Variants in CA5B observed in about 807,000 individuals in gnomAD.
CA5B encodes the protein carbonic anhydrase 5B, mitochondrial.
CA5B carries 15 observed loss-of-function variants against 23.1 expected under a neutral mutation model. The observed-to-expected ratio is 0.65, with a 90% CI of 0.43 to 1.00. The LOEUF (loss-of-function observed/expected upper bound fraction) is 1.00, where lower values mean the gene tolerates loss of function less well. Among genes scored for constraint, CA5B ranks in the 50% least tolerant of loss-of-function variants. The probability of loss-of-function intolerance (pLI) is 0.00; values close to 1 mark genes in which losing one functional copy is unlikely to be tolerated. For missense variants in CA5B, 236 were observed against 252.2 expected (o/e 0.94, Z 0.43); for synonymous variants, 84 against 98.5 (o/e 0.85, Z 0.87).
chrX:15,777,275 A>G (rs1931949432), intron 7 of CA5B, among the ~76,000 whole-genome samples: 1 of 112,007 alleles, frequency 8.9e-6, no homozygotes. Flanking sequence ...GAATTCAACA[A>G]TGTTTGTCCA....
chrX:15,746,354 G>A (rs142838412), intron 1 of CA5B, among the ~76,000 whole-genome samples: 3,737 of 111,123 alleles, frequency 0.034, 150 homozygotes, highest in African/African-American at 0.11. Context: ...CAAACTTCTT[G>A]TATAGTGTAA....
rs878966805 is a variant in CA5B, at chrX:15,783,007, T to C, written c.*343T>C. ...AGTCCTCCTGCCTTAGCCTCTAGAG[T>C]AGCTGGGGCTACAGGTGCTGGCCGC... On this transcript the variant is annotated 3_prime_UTR_variant, in exon 8 of 8. Transcript: ENST00000318636. 1 of 184,045 alleles carries C rather than the reference T, an allele frequency of 5.4e-6. No homozygotes were observed. 15.2% of individuals were successfully genotyped at this position (184,045 alleles called of 1,213,427 possible).
chrX:15,742,771 G>C (rs1931149083), intron 1 of CA5B, among the ~76,000 whole-genome samples: 1 of 112,552 alleles, frequency 8.9e-6, no homozygotes, highest in South Asian at 3.6e-4. Context: ...TTTTTACTTA[G>C]AGCAGTGATT....
At chrX:15,752,593 T>G (rs183216291) in intron 2 of CA5B, among the ~76,000 whole-genome samples, 1 of 110,760 alleles carries the variant, frequency 9.0e-6, no homozygotes, top group Non-Finnish European at 1.9e-5. Flanking sequence ...GGCGTGGTGG[T>G]GGGCGCCTGC....
At chrX:15,778,367 T>C (rs144384007) in intron 7 of CA5B, among the ~76,000 whole-genome samples, 2,439 of 112,038 alleles carry the variant, frequency 0.022, 56 homozygotes, top group African/African-American at 0.074. Context: ...TTTAAATTGA[T>C]ATGCTATTTC....
chrX:15,742,521 G>T (rs955371225), intron 1 of CA5B, among the ~76,000 whole-genome samples: 1 of 112,119 alleles, frequency 8.9e-6, no homozygotes, highest in African/African-American at 3.2e-5. Context: ...TTACAGACGT[G>T]CATCACCATA....
At chrX:15,763,157 C>T (rs748002688) in intron 2 of CA5B, 3 of 177,308 alleles carry the variant, frequency 1.7e-5, no homozygotes, top group Middle Eastern at 2.1e-3. Context: ...AGGAGGTGAA[C>T]TCAACTCAGC....
chrX:15,740,669 G>A (rs1265152951), intron 1 of CA5B, among the ~76,000 whole-genome samples: 1 of 111,699 alleles, frequency 9.0e-6, no homozygotes, highest in Non-Finnish European at 1.9e-5. Flanking sequence ...CTTTCTATCT[G>A]TAGCTTCCTG....
chrX:15,768,592 GTAAT>G (rs1248582185), intron 3 of CA5B: 1 of 110,811 alleles, frequency 9.0e-6, no homozygotes, highest in Non-Finnish European at 1.9e-5. Flanking sequence ...TCAATTTTTA[GTAAT>G]TACCTAATTT....
Position 15,772,582 on chromosome X carries a change from C to G in CA5B, c.427C>G (p.His143Asp), listed in dbSNP as rs760346701. The G allele has an allele frequency of 8.3e-7, 1 of 1,200,839 alleles. No homozygotes were observed. The highest frequency in any genetic ancestry group is 3.0e-5 in the East Asian group (1 of 33,734). Reference protein sequence around the residue: ...WGAIDAWGSEHTVDSKCFPAE... With the variant: ...WGAIDAWGSEDTVDSKCFPAE... ...GGCCATCGATGCCTGGGGTTCTGAG[C>G]ACACCGTGGACAGCAAATGCTTCCC... is the stretch of plus-strand genomic sequence containing the variant. Residue 143 changes from histidine (H) to aspartate (D), a missense_variant, in exon 4 of 8, where the codon CAC becomes GAC. This residue lies in a region of CA5B where 170 missense variants were observed against 162.0 expected (regional missense o/e 1.05). Transcript: ENST00000318636.
At chrX:15,775,217 G>A in intron 5 of CA5B, 29 bp from the exon 6 acceptor site, 2 of 1,101,778 alleles carry the variant, frequency 1.8e-6, no homozygotes, top group African/African-American at 1.8e-5. Context: ...TCCATTGTTT[G>A]TAATATTTTC....
chrX:15,780,418 G>A (rs1020950570), intron 7 of CA5B, among the ~76,000 whole-genome samples: 7 of 109,740 alleles, frequency 6.4e-5, no homozygotes, highest in Non-Finnish European at 1.3e-4. Flanking sequence ...GATTACAGGC[G>A]CCCGCCACCA....
chrX:15,760,442 T>C (rs1005696580), intron 2 of CA5B, among the ~76,000 whole-genome samples: 3 of 111,221 alleles, frequency 2.7e-5, no homozygotes, highest in Non-Finnish European at 5.7e-5. Flanking sequence ...AAAGAAACCT[T>C]CTGGAAGCTG....
At chrX:15,745,546 G>A (rs1312304419) in intron 1 of CA5B, 1 of 112,562 alleles carries the variant, frequency 8.9e-6, no homozygotes, top group Non-Finnish European at 1.9e-5. Flanking sequence ...AACAAAAAAA[G>A]AAGTATTTGT....
intron 1 of CA5B, among the ~76,000 whole-genome samples, chrX:15,746,578 A>C (rs1204719768): frequency 2.7e-5 from 3 of 111,767 alleles, no homozygotes; most frequent in African/African-American, 9.8e-5. Context: ...TTACCAAGAC[A>C]GGGGAATTGC....
chrX:15,773,777 CTGCTGGA>C (rs1931868248), intron 4 of CA5B, among the ~76,000 whole-genome samples: 1 of 111,285 alleles, frequency 9.0e-6, no homozygotes, highest in Admixed American at 9.6e-5. Context: ...TGGTCTCATA[CTGCTGGA>C]TTCAAGTGAT....
chrX:15,753,474 T>A (rs1286650683), intron 2 of CA5B, among the ~76,000 whole-genome samples: 5 of 112,360 alleles, frequency 4.4e-5, no homozygotes, highest in Non-Finnish European at 7.5e-5. Flanking sequence ...GGTAAACCTC[T>A]CTTATGGGAC....
At chrX:15,779,322 C>A (rs958079534) in intron 7 of CA5B, among the ~76,000 whole-genome samples, 2 of 111,681 alleles carry the variant, frequency 1.8e-5, no homozygotes, top group Non-Finnish European at 3.8e-5. Flanking sequence ...TATTGGATGA[C>A]TCCCATCTAC....
intron 1 of CA5B, among the ~76,000 whole-genome samples, chrX:15,744,355 T>C (rs1203088589): frequency 8.9e-6 from 1 of 112,693 alleles, no homozygotes; most frequent in African/African-American, 3.2e-5. Flanking sequence ...CAACAGCCTC[T>C]TGTGCAGGGC....
Sources: allele counts gnomAD v4.1 joint callset (sites outside exome capture counted in the v4.1 genomes callset), GRCh38; gene constraint gnomAD v4.1.1; regional missense constraint gnomAD v4.1.1; transcripts MANE v1.5; gene names NCBI Gene and HGNC (gene_info 2026-07-23, HGNC 2026-07-21).